Variants in ST8SIA4 observed in about 807,000 individuals in gnomAD.
ST8SIA4 encodes ST8 alpha-N-acetyl-neuraminide alpha-2,8-sialyltransferase 4.
In ST8SIA4, 15 loss-of-function variants were observed where a neutral mutation model predicts 33.9. The observed-to-expected ratio is 0.44, with a 90% CI of 0.30 to 0.68. The LOEUF (loss-of-function observed/expected upper bound fraction) is 0.68. ST8SIA4 is among the 30% of genes least tolerant of loss of function. ST8SIA4 has a pLI of 0.10. For synonymous variants in ST8SIA4, 171 were observed against 151.2 expected (o/e 1.13, Z -0.96); for missense variants, 321 against 428.0 (o/e 0.75, Z 2.21).
chr5:100,822,662 T>C (rs1378288663), intron 4 of ST8SIA4, among the ~76,000 whole-genome samples: 1 of 152,188 alleles, frequency 6.6e-6, no homozygotes, highest in Non-Finnish European at 1.5e-5. Context: ...ACAATACCTA[T>C]GTACATGTGT....
At chr5:100,868,753 C>A (rs959172432) in intron 3 of ST8SIA4, among the ~76,000 whole-genome samples, 2 of 152,032 alleles carry the variant, frequency 1.3e-5, no homozygotes, top group African/African-American at 4.8e-5. Flanking sequence ...TCCTCAGACA[C>A]CCTAGCCCTA....
chr5:100,839,295 G>A (rs1454562146), intron 4 of ST8SIA4, among the ~76,000 whole-genome samples: 1 of 151,896 alleles, frequency 6.6e-6, no homozygotes, highest in East Asian at 1.9e-4. Context: ...CATAGTTTGA[G>A]CCTTATAAAT....
intron 3 of ST8SIA4, among the ~76,000 whole-genome samples, chr5:100,865,877 G>T (rs777149532): frequency 6.6e-6 from 1 of 151,810 alleles, no homozygotes; most frequent in Non-Finnish European, 1.5e-5. Context: ...AATTTAAATG[G>T]TCTTACAATC....
chr5:100,895,721 C>T lies in ST8SIA4; in HGVS notation c.178G>A (p.Gly60Ser). ...NSSDKIIRKA[G>S]SSIFQHNVEG... ...ACATTGTGCTGGAAGATTGAAGAGC[C>T]AGCCTTTCGAATGATTTTATCAGAG... The change falls in exon 2 of 5, where the codon GGC becomes AGC. Residue 60 changes from glycine to serine, a missense_variant. Transcript: ENST00000231461. The T allele has an allele frequency of 1.9e-6, 3 of 1,612,880 alleles. No homozygotes were observed. Among genetic ancestry groups the T allele is most frequent in the Non-Finnish European group, 2.5e-6 (3 of 1,179,158 alleles).
At chr5:100,900,957 C>A (rs1208594728) in intron 1 of ST8SIA4, among the ~76,000 whole-genome samples, 2 of 152,216 alleles carry the variant, frequency 1.3e-5, no homozygotes, top group Admixed American at 1.3e-4. Context: ...CCTTCTCAGT[C>A]AAGCTGGGAG....
In ST8SIA4 at chr5:100,811,782, C is replaced by T. The variant is rs1361253905; in HGVS notation, c.*65G>A. ...CTGAAACCCAGCCGTGTTTTGGATCCTATTTTCAAATCTTCGGAAGCATCT... is the reference window on the plus strand; with the variant it reads ...CTGAAACCCAGCCGTGTTTTGGATCTTATTTTCAAATCTTCGGAAGCATCT... On this transcript the variant is annotated 3_prime_UTR_variant, in exon 5 of 5. Transcript: ENST00000231461. 1 of 1,498,724 alleles carries T rather than the reference C, an allele frequency of 6.7e-7. No homozygotes were observed. The highest frequency in any genetic ancestry group is 9.0e-7 in the Non-Finnish European group (1 of 1,117,174). The allele number at this position is 1,498,724 out of a possible 1,614,324, so 92.8% of individuals were successfully genotyped here.
intron 3 of ST8SIA4, chr5:100,885,867 G>A: frequency 2.3e-6 from 2 of 870,680 alleles, no homozygotes; most frequent in East Asian, 1.2e-4. Context: ...AAGAAATATG[G>A]CTCAGGATAT....
chr5:100,812,227 C>A, intron 4 of ST8SIA4, 98 bp from the exon 5 acceptor site: 2 of 920,096 alleles, frequency 2.2e-6, no homozygotes, highest in Non-Finnish European at 3.1e-6. Flanking sequence ...TAAAAGGTAT[C>A]TTTATGAATA....
intron 3 of ST8SIA4, among the ~76,000 whole-genome samples, chr5:100,872,344 T>C (rs1411203290): frequency 6.6e-6 from 1 of 152,106 alleles, no homozygotes; most frequent in Non-Finnish European, 1.5e-5. Flanking sequence ...GTGATAACAT[T>C]GAAAATTTTT....
At chr5:100,883,398 T>C (rs1412258783) in intron 3 of ST8SIA4, among the ~76,000 whole-genome samples, 1 of 152,210 alleles carries the variant, frequency 6.6e-6, no homozygotes, top group Non-Finnish European at 1.5e-5. Context: ...GTAACTAGCT[T>C]GCTTTTGATT....
chr5:100,877,721 G>C (rs1381975152), intron 3 of ST8SIA4, among the ~76,000 whole-genome samples: 4 of 152,112 alleles, frequency 2.6e-5, no homozygotes, highest in African/African-American at 9.7e-5. Flanking sequence ...AAGTCTATTG[G>C]TTGAACACTT....
chr5:100,872,928 G>A (rs1752229112), intron 3 of ST8SIA4, among the ~76,000 whole-genome samples: 3 of 150,468 alleles, frequency 2.0e-5, no homozygotes, highest in South Asian at 4.2e-4. Flanking sequence ...CGTGCCTAGG[G>A]CATATTGTCT....
chr5:100,866,613 A>C (rs548964091), intron 3 of ST8SIA4, among the ~76,000 whole-genome samples: 45 of 139,680 alleles, frequency 3.2e-4, no homozygotes, highest in African/African-American at 1.2e-3. Flanking sequence ...CACACACACA[A>C]ATACATATTA....
intron 2 of ST8SIA4, among the ~76,000 whole-genome samples, chr5:100,892,739 T>C (rs781077904): frequency 5.9e-5 from 9 of 152,008 alleles, no homozygotes; most frequent in Non-Finnish European, 1.0e-4. Flanking sequence ...AAAAAAATGG[T>C]TGGAAATAAT....
chr5:100,838,928 A>T (rs1751416928), intron 4 of ST8SIA4, among the ~76,000 whole-genome samples: 1 of 152,046 alleles, frequency 6.6e-6, no homozygotes. Flanking sequence ...CATCCACATT[A>T]TAAACTTCCT....
rs529354845 is a variant in ST8SIA4 at position 100,841,372 on chromosome 5, T to C, written c.797+14731A>G. 5.9e-5 allele frequency among the ~76,000 whole-genome samples: 9 copies of C among 151,952 alleles called. No individual in the cohort carries two copies. The South Asian group carries it at 1.2e-3, about 21-fold the overall frequency. On this transcript the variant is annotated intron_variant, in intron 4 of 4. Coordinates refer to ENST00000231461, the MANE Select transcript of ST8SIA4 (RefSeq NM_005668.6). ...GCAGTATATTGCTGAGGCAGGAGGA[T>C]AGGGTCTGGAGGCAGGGAACATAAG...
intron 3 of ST8SIA4, among the ~76,000 whole-genome samples, chr5:100,878,135 T>C (rs1440737834): frequency 6.6e-6 from 1 of 152,120 alleles, no homozygotes; most frequent in Non-Finnish European, 1.5e-5. Flanking sequence ...AAGAATGAGG[T>C]CACATGCCTC....
At chr5:100,826,347 T>C (rs1315895158) in intron 4 of ST8SIA4, among the ~76,000 whole-genome samples, 1 of 152,196 alleles carries the variant, frequency 6.6e-6, no homozygotes, top group East Asian at 1.9e-4. Context: ...TTCCAGTTGA[T>C]TCATCAAAAC....
intron 4 of ST8SIA4, among the ~76,000 whole-genome samples, chr5:100,830,869 A>G (rs1467325274): frequency 6.6e-6 from 1 of 152,258 alleles, no homozygotes; most frequent in Non-Finnish European, 1.5e-5. Context: ...AGATTCAGTA[A>G]TCATATCTAT....
Sources: allele counts gnomAD v4.1 joint callset (sites outside exome capture counted in the v4.1 genomes callset), GRCh38; gene constraint gnomAD v4.1.1; transcripts MANE v1.5; gene names NCBI Gene and HGNC (gene_info 2026-07-23, HGNC 2026-07-21).